Variants in PXDNL observed in about 807,000 individuals in gnomAD.
PXDNL encodes the protein probable oxidoreductase PXDNL.
In PXDNL, 145 loss-of-function variants were observed where a neutral mutation model predicts 150.8. The observed-to-expected ratio is 0.96, with a 90% CI of 0.84 to 1.10. The LOEUF is 1.10. Among genes scored for constraint, PXDNL ranks in the 50% least tolerant of loss-of-function variants. PXDNL has a pLI of 0.00. For missense variants in PXDNL, 2,087 were observed against 1,873.9 expected, an observed-to-expected ratio of 1.11 and a Z score of -2.10; for synonymous variants, 757 against 725.7, an observed-to-expected ratio of 1.04 and a Z score of -0.69.
At chr8:51,537,019 T>C (rs1381563851) in intron 4 of PXDNL, among the ~76,000 whole-genome samples, 1 of 152,196 alleles carries the variant, frequency 6.6e-6, no homozygotes, top group African/African-American at 2.4e-5. Flanking sequence ...TAATGGGGCT[T>C]ATAAAATACT....
intron 17 of PXDNL, among the ~76,000 whole-genome samples, chr8:51,380,007 A>G (rs985669142): frequency 2.0e-5 from 3 of 152,148 alleles, no homozygotes; most frequent in Non-Finnish European, 4.4e-5. Flanking sequence ...TATTGTCTTA[A>G]TTACTAAAAG....
intron 1 of PXDNL, among the ~76,000 whole-genome samples, chr8:51,670,618 T>C (rs539488479): frequency 6.5e-4 from 99 of 152,212 alleles, no homozygotes; most frequent in Non-Finnish European, 1.2e-3. Context: ...TCATTAACCA[T>C]AACATCATTA....
intron 1 of PXDNL, among the ~76,000 whole-genome samples, chr8:51,784,291 A>G (rs2037441117): frequency 6.6e-6 from 1 of 152,256 alleles, no homozygotes; most frequent in African/African-American, 2.4e-5. Flanking sequence ...AAAACTACCA[A>G]GGAACCAAAC....
chr8:51,566,589 T>A (rs895936578), intron 3 of PXDNL, among the ~76,000 whole-genome samples: 16 of 151,772 alleles, frequency 1.1e-4, no homozygotes, highest in Admixed American at 1.1e-3. Flanking sequence ...TTGCTAATAA[T>A]ACCCTTTTAT....
chr8:51,498,438 A>G (rs1811107710), intron 5 of PXDNL, among the ~76,000 whole-genome samples: 1 of 133,032 alleles, frequency 7.5e-6, no homozygotes, highest in Non-Finnish European at 1.6e-5. Flanking sequence ...TAATAAAAAA[A>G]TTAAATAAAT....
intron 4 of PXDNL, 42 bp downstream of exon 4, chr8:51,556,798 T>C (rs1484349991): frequency 1.9e-6 from 2 of 1,053,954 alleles, no homozygotes; most frequent in African/African-American, 1.6e-5. Flanking sequence ...CTATTTGAAC[T>C]GTCACCATGA....
chr8:51,719,926 G>A (rs914351592), intron 1 of PXDNL, among the ~76,000 whole-genome samples: 2 of 152,012 alleles, frequency 1.3e-5, no homozygotes, highest in African/African-American at 4.8e-5. Context: ...GAAGCCACAT[G>A]TAGAAAGCAC....
At chr8:51,541,213 G>A (rs560614644) in intron 4 of PXDNL, among the ~76,000 whole-genome samples, 27 of 147,190 alleles carry the variant, frequency 1.8e-4, no homozygotes, top group African/African-American at 7.0e-4. Context: ...AGCCAAGATG[G>A]CACCGCTGCA....
At chr8:51,731,914 C>T (rs1432746032) in intron 1 of PXDNL, among the ~76,000 whole-genome samples, 1 of 152,170 alleles carries the variant, frequency 6.6e-6, no homozygotes, top group Admixed American at 6.5e-5. Context: ...TCTAGGCCTC[C>T]AAGGCCTGTG....
chr8:51,495,176 G>A (rs1260596154), intron 5 of PXDNL, among the ~76,000 whole-genome samples: 2 of 152,014 alleles, frequency 1.3e-5, no homozygotes, highest in African/African-American at 4.8e-5. Context: ...GCTCCTGAAT[G>A]ACTACTGGGT....
intron 17 of PXDNL, among the ~76,000 whole-genome samples, chr8:51,403,556 C>T (rs1305147321): frequency 6.6e-6 from 1 of 152,198 alleles, no homozygotes; most frequent in African/African-American, 2.4e-5. Context: ...CTTGGTGCAG[C>T]AAGACCCATG....
intron 1 of PXDNL, among the ~76,000 whole-genome samples, chr8:51,793,887 T>TCAA (rs555226011): frequency 8.5e-4 from 128 of 151,126 alleles, no homozygotes; most frequent in African/African-American, 2.1e-3. Context: ...CAAGACTCTG[T>TCAA]CAACAACAAC....
chr8:51,642,254 C>T (rs562729418), intron 2 of PXDNL, among the ~76,000 whole-genome samples: 56 of 151,624 alleles, frequency 3.7e-4, no homozygotes, highest in African/African-American at 1.3e-3. Flanking sequence ...ATACCTAATG[C>T]TAAATGATGA....
rs762305176 is a variant in PXDNL at position 51,408,745 on chromosome 8, C to T, written c.2879G>A (p.Arg960Gln). 32 of 1,584,044 alleles carry T rather than the reference C, an allele frequency of 2.0e-5. No homozygotes were observed. The highest frequency in any genetic ancestry group is 2.4e-5 in the Non-Finnish European group (28 of 1,165,326). ...ESPCFLAGDH[R>Q]ANEHLALAAM... ...GGCCAGAGCCAGATGCTCGTTGGCC[C>T]GGTGGTCCCCGGCCAGGAAACAGGG... Residue 960 changes from arginine to glutamine, a missense_variant, in exon 17 of 23, where the codon CGG becomes CAG. By Grantham distance (43) the Arg-to-Gln change is conservative (BLOSUM62 1). Transcript: ENST00000356297.
chr8:51,408,973 C>A lies in PXDNL; in HGVS notation c.2651G>T (p.Arg884Leu). ...PSATVDSVYA[R>L]EQINQQTAYI... ...GGCTGTTTGCTGGTTGATCTGCTCTCGTGCATAGACTGAATCCACCGTCGC... is the reference window on the plus strand; with the variant it reads ...GGCTGTTTGCTGGTTGATCTGCTCTAGTGCATAGACTGAATCCACCGTCGC... Residue 884 changes from arginine to leucine, a missense_variant, in exon 17 of 23, where the codon CGA becomes CTA. Physicochemically the swap from Arg to Leu is moderately radical, Grantham distance 102. Transcript: ENST00000356297. 1 of 1,612,288 alleles carries A rather than the reference C, an allele frequency of 6.2e-7. No homozygotes were observed.
intron 2 of PXDNL, among the ~76,000 whole-genome samples, chr8:51,596,398 C>T (rs1288615911): frequency 6.6e-6 from 1 of 152,072 alleles, no homozygotes; most frequent in Non-Finnish European, 1.5e-5. Context: ...GATATGTTTT[C>T]TTTTGGATAT....
chr8:51,706,543 A>T (rs1411997503), intron 1 of PXDNL, among the ~76,000 whole-genome samples: 2 of 152,170 alleles, frequency 1.3e-5, no homozygotes, highest in Admixed American at 6.5e-5. Flanking sequence ...TAACATAGTT[A>T]TATTTATTTT....
At chr8:51,692,963 A>G (rs1488106632) in intron 1 of PXDNL, among the ~76,000 whole-genome samples, 1 of 152,236 alleles carries the variant, frequency 6.6e-6, no homozygotes, top group Non-Finnish European at 1.5e-5. Context: ...TTAGGCTCAC[A>G]TCAGAAGTCA....
chr8:51,494,995 C>A (rs1420254120), intron 5 of PXDNL, among the ~76,000 whole-genome samples: 1 of 152,120 alleles, frequency 6.6e-6, no homozygotes, highest in Non-Finnish European at 1.5e-5. Flanking sequence ...CAGCACCACA[C>A]CACACCTATT....
Sources: allele counts gnomAD v4.1 joint callset (sites outside exome capture counted in the v4.1 genomes callset), GRCh38; gene constraint gnomAD v4.1.1; transcripts MANE v1.5; gene names NCBI Gene and HGNC (gene_info 2026-07-23, HGNC 2026-07-21).